NOSTRIN: variants seen among roughly 807,000 people sequenced by gnomAD.
NOSTRIN encodes BM247 homolog.
In NOSTRIN, 63 loss-of-function variants were observed where a neutral mutation model predicts 59.0. The ratio of observed to expected loss-of-function variants is 1.07; its 90% CI spans 0.87 to 1.32. The LOEUF (loss-of-function observed/expected upper bound fraction) is 1.32, where lower values mean the gene tolerates loss of function less well. Ranked by LOEUF, NOSTRIN falls within the 40% of genes most tolerant of loss-of-function variation. The probability of loss-of-function intolerance (pLI) is 0.00; values close to 1 mark genes in which losing one functional copy is unlikely to be tolerated. For synonymous variants in NOSTRIN, 200 were observed against 165.4 expected, an observed-to-expected ratio of 1.21 and a Z score of -1.61; for missense variants, 512 against 473.1, an observed-to-expected ratio of 1.08 and a Z score of -0.76.
chr2:168,795,881 T>A (rs73030463), upstream of NOSTRIN, among the ~76,000 whole-genome samples: 1,818 of 152,336 alleles, frequency 0.012, 38 homozygotes, highest in African/African-American at 0.04. Flanking sequence ...CAGTTTAAAG[T>A]ACTCATAAGT....
chr2:168,800,921 CAAAA>C (rs55687035), upstream of NOSTRIN: 108 of 146,354 alleles, frequency 7.4e-4, no homozygotes, highest in Admixed American at 2.4e-3. Context: ...AAAAAAAAAA[CAAAA>C]AAAGAGATGG....
chr2:168,810,913 G>A (rs1255875900), intron 1 of NOSTRIN, among the ~76,000 whole-genome samples: 1 of 152,106 alleles, frequency 6.6e-6, no homozygotes, highest in African/African-American at 2.4e-5. Flanking sequence ...TAAATCAAAT[G>A]ACAAAAACTT....
At position 168,791,866 on chromosome 2, in the gene NOSTRIN, A is replaced by G. The variant is rs532074181; in HGVS notation, c.-473+3818A>G. 8.3e-3 allele frequency among the ~76,000 whole-genome samples: 1,265 copies of G among 152,230 alleles called. 16 individuals are homozygous for G. The highest frequency in any genetic ancestry group is 0.029 in the African/African-American group (1,188 of 41,546). ...TCTTGTAAATTTGTTTGAGTTCATT[A>G]TAGATTCTGGATATTAGCCCTTCGT... is the stretch of plus-strand genomic sequence containing the variant. On this transcript the variant is annotated intron_variant, in intron 2 of 20. Coordinates refer to the NOSTRIN transcript ENST00000458381.
chr2:168,860,689 C>G, intron 13 of NOSTRIN, 106 bp from the exon 14 acceptor site: 1 of 672,842 alleles, frequency 1.5e-6, no homozygotes, highest in Non-Finnish European at 2.5e-6. Context: ...AAAGAAAAAA[C>G]AAACAGAAAA....
intron 7 of NOSTRIN, among the ~76,000 whole-genome samples, chr2:168,836,805 C>T (rs1224767081): frequency 1.3e-5 from 2 of 152,232 alleles, no homozygotes; most frequent in Non-Finnish European, 2.9e-5. Flanking sequence ...TTCTGCCTCC[C>T]AGAGGCCCTC....
At chr2:168,808,271 G>T (rs1226818900) in intron 1 of NOSTRIN, among the ~76,000 whole-genome samples, 1 of 152,110 alleles carries the variant, frequency 6.6e-6, no homozygotes, top group South Asian at 2.1e-4. Flanking sequence ...TCTCCCATAG[G>T]TAACTTCTAT....
chr2:168,802,637 A>T lies in NOSTRIN; in HGVS notation c.-10A>T. On this transcript the variant is annotated 5_prime_UTR_variant, in exon 1 of 16. Coordinates refer to ENST00000317647, the MANE Select transcript of NOSTRIN (RefSeq NM_001039724.4). ...GTAGGTGAAAGGACAAAAGCCAGACACATTTCAACATGAGGGACCCACTGA... is the reference window on the plus strand; with the variant it reads ...GTAGGTGAAAGGACAAAAGCCAGACTCATTTCAACATGAGGGACCCACTGA... The T allele has an allele frequency of 1.2e-6, 1 of 868,620 alleles. No homozygotes were observed. Among genetic ancestry groups the T allele is most frequent in the Non-Finnish European group, 2.0e-6 (1 of 500,408 alleles). 53.8% of individuals were successfully genotyped at this position (868,620 alleles called of 1,614,324 possible). A position where few individuals can be genotyped will look rare whatever the true frequency, so the allele number is the denominator to read the frequency against.
rs1329445746 is a variant in NOSTRIN at position 168,811,573 on chromosome 2, A to G, written c.34A>G (p.Lys12Glu). ...RDPLTDCPYN[K>E]VYKNLKEFSQ... The stretch of plus-strand genomic sequence containing the variant: ...TATTGTTCTTGTTTTTCAGTATAAT[A>G]AAGTATACAAGAACCTAAAGGAGTT... Residue 12 changes from lysine to glutamate, a missense_variant, in exon 2 of 16, where the codon AAA becomes GAA. Coordinates refer to ENST00000317647, the MANE Select transcript of NOSTRIN (RefSeq NM_001039724.4). 2 of 847,744 alleles carry G rather than the reference A, an allele frequency of 2.4e-6. No homozygotes were observed. Among genetic ancestry groups the G allele is most frequent in the Non-Finnish European group, 4.1e-6 (2 of 491,280 alleles). 52.5% of individuals were successfully genotyped at this position (847,744 alleles called of 1,614,324 possible).
At chr2:168,821,703 G>A (rs899764545) in intron 2 of NOSTRIN, among the ~76,000 whole-genome samples, 3 of 152,220 alleles carry the variant, frequency 2.0e-5, no homozygotes, top group Non-Finnish European at 4.4e-5. Flanking sequence ...GCTCCTGTTG[G>A]GGATGACACA....
intron 2 of NOSTRIN, among the ~76,000 whole-genome samples, chr2:168,824,060 A>T (rs1235161783): frequency 6.6e-6 from 1 of 152,166 alleles, no homozygotes; most frequent in African/African-American, 2.4e-5. Context: ...GGGCAACAAG[A>T]GGGAAACTCC....
chr2:168,815,073 A>C (rs1024706880), intron 2 of NOSTRIN, among the ~76,000 whole-genome samples: 4 of 152,172 alleles, frequency 2.6e-5, no homozygotes, highest in Admixed American at 1.3e-4. Context: ...CTGTATTAGC[A>C]CTTGGATACC....
intron 5 of NOSTRIN, among the ~76,000 whole-genome samples, chr2:168,829,190 C>T (rs1485213334): frequency 2.6e-5 from 4 of 152,118 alleles, no homozygotes; most frequent in African/African-American, 7.2e-5. Context: ...TTCAGGGGCA[C>T]CTGGTCCTCT....
chr2:168,850,810 T>C (rs1688718788), intron 8 of NOSTRIN: 1 of 773,606 alleles, frequency 1.3e-6, no homozygotes, highest in African/African-American at 1.7e-5. Context: ...CTTTTCTTCT[T>C]TTCTCCCCCT....
At position 168,856,855 on chromosome 2, in the gene NOSTRIN, T is replaced by C. The variant is rs1689156117; in HGVS notation, c.1053+77T>C. The C allele has an allele frequency of 3.7e-6, 5 of 1,359,950 alleles. No individual in the cohort carries two copies. In the East Asian group the frequency reaches 9.2e-5, roughly 25 times the overall value. The allele number at this position is 1,359,950 out of a possible 1,614,324, so 84.2% of individuals were successfully genotyped here. A position where few individuals can be genotyped will look rare whatever the true frequency, so the allele number is the denominator to read the frequency against. ...TTTAGAATACTTGTTTCTGGTCCAC[T>C]TGGCCTTGTTTGCCTTTCCTTTCTC... On this transcript the variant is annotated intron_variant, in intron 12 of 15. Transcript: ENST00000317647.
At chr2:168,829,187 G>T (rs1687224710) in intron 5 of NOSTRIN, among the ~76,000 whole-genome samples, 1 of 152,024 alleles carries the variant, frequency 6.6e-6, no homozygotes, top group Non-Finnish European at 1.5e-5. Context: ...CCTTTCAGGG[G>T]CACCTGGTCC....
chr2:168,796,817 T>C (rs191334322), upstream of NOSTRIN, among the ~76,000 whole-genome samples: 5 of 152,284 alleles, frequency 3.3e-5, no homozygotes, highest in Admixed American at 1.3e-4. Flanking sequence ...GTCACACTTA[T>C]CTTCTGTCTC....
At chr2:168,856,105 G>C (rs1559140479) in intron 11 of NOSTRIN, 2 of 216,206 alleles carry the variant, frequency 9.3e-6, no homozygotes, top group Non-Finnish European at 1.9e-5. Context: ...GTTAGCAATT[G>C]CTAGAATGGG....
At chr2:168,855,817 G>A (rs1481309963) in intron 11 of NOSTRIN, 1 of 442,112 alleles carries the variant, frequency 2.3e-6, no homozygotes, top group African/African-American at 2.0e-5. Flanking sequence ...TTTTGGATGA[G>A]TTTTTTGGTT....
chr2:168,864,505 CG>C (rs1304888161), intron 15 of NOSTRIN, among the ~76,000 whole-genome samples: 1 of 49,746 alleles, frequency 2.0e-5, no homozygotes, highest in Non-Finnish European at 4.6e-5. Context: ...AGGCTGGTCT[CG>C]AAACTCCTGA....
Sources: gnomAD v4.1 joint callset for allele counts (sites outside exome capture counted in the v4.1 genomes callset) on GRCh38, gnomAD v4.1.1 for gene constraint, MANE v1.5 for transcripts, NCBI Gene and HGNC (gene_info 2026-07-23, HGNC 2026-07-21) for gene names.